Variants in OSCP1 observed in about 807,000 individuals in gnomAD.
OSCP1 encodes the protein organic solute carrier partner 1, also known as protein OSCP1.
In OSCP1, 35 loss-of-function variants were observed where a neutral mutation model predicts 45.1. That is an observed-to-expected ratio of 0.78 (90% CI 0.59 to 1.03). The LOEUF is 1.03. OSCP1 is among the 50% of genes least tolerant of loss of function. OSCP1 has a pLI of 0.00. For synonymous variants in OSCP1, 179 were observed against 180.1 expected, an observed-to-expected ratio of 0.99 and a Z score of 0.05; for missense variants, 400 against 470.7, an observed-to-expected ratio of 0.85 and a Z score of 1.39.
intron 4 of OSCP1, chr1:36,428,292 C>A: frequency 6.4e-7 from 1 of 1,562,342 alleles, no homozygotes; most frequent in Non-Finnish European, 8.7e-7. Flanking sequence ...GCACTAAATA[C>A]ATTGCATTTC....
In OSCP1 at chr1:36,419,021, G is replaced by A. The variant is rs376390479; in HGVS notation, c.993C>T (p.Ser331=). ...TGGCTTGTATGTTGATAACTTCATA[G>A]GATAACTCTTCTGGCCTGGTTAGCG... ...QAALTRPEEL[S]YEVINIQATQ... is the part of the protein sequence containing the mutation. Residue 331 remains serine (S), a synonymous_variant, in exon 9 of 10, where the codon TCC becomes TCT. Coordinates refer to ENST00000235532, the MANE Select transcript of OSCP1 (RefSeq NM_145047.5). The A allele has an allele frequency of 6.2e-7, 1 of 1,612,616 alleles. No homozygotes were observed. Among genetic ancestry groups the A allele is most frequent in the Non-Finnish European group, 8.5e-7 (1 of 1,178,642 alleles).
At chr1:36,449,701 G>A (rs1649762760) in intron 1 of OSCP1, among the ~76,000 whole-genome samples, 1 of 151,498 alleles carries the variant, frequency 6.6e-6, no homozygotes, top group African/African-American at 2.4e-5. Context: ...GCTGGGTGTG[G>A]TGGTGCATGC....
At chr1:36,432,671 C>G (rs1036582825) in intron 2 of OSCP1, 82 bp from the exon 3 acceptor site, 28 of 1,559,888 alleles carry the variant, frequency 1.8e-5, no homozygotes, top group African/African-American at 4.1e-5. Flanking sequence ...TTCAGTCAAG[C>G]ATTTACTGAA....
At position 36,417,924 on chromosome 1, in the gene OSCP1, A is replaced by T. The variant is rs1647371453; in HGVS notation, c.*215T>A. ...GGAAAGGTCAAGTTTAAAAGTCAGA[A>T]TATATTTCACTGAAAATATGTGTAT... On this transcript the variant is annotated 3_prime_UTR_variant, in exon 10 of 10. Transcript: ENST00000235532. The T allele has an allele frequency of 2.2e-6, 1 of 447,066 alleles. No homozygotes were observed. The highest frequency in any genetic ancestry group is 4.0e-6 in the Non-Finnish European group (1 of 252,784). The allele number at this position is 447,066 out of a possible 1,614,324, so 27.7% of individuals were successfully genotyped here. A position where few individuals can be genotyped will look rare whatever the true frequency, so the allele number is the denominator to read the frequency against.
At position 36,418,223 on chromosome 1, in the gene OSCP1, G is replaced by T; in HGVS notation, c.1056C>A (p.Ile352=). 6.2e-7 allele frequency: 1 copy of T among 1,614,212 alleles called. No individual in the cohort carries two copies. Among genetic ancestry groups the T allele is most frequent in the Non-Finnish European group, 8.5e-7 (1 of 1,180,044 alleles). ...GCTCCGTGATCTCAAACTCCCCCAT[G>T]ATTCGAGCCAGCTCCTCGCTCCGTT... ...DQQRSEELAR[I]MGEFEITEQP... Residue 352 remains isoleucine, a synonymous_variant, in exon 10 of 10, where the codon ATC becomes ATA. Transcript: ENST00000235532.
chr1:36,439,978 G>C (rs920585587), intron 1 of OSCP1, among the ~76,000 whole-genome samples: 5 of 152,214 alleles, frequency 3.3e-5, no homozygotes, highest in Non-Finnish European at 7.3e-5. Context: ...AATTAAACCA[G>C]TTATCCTCGC....
intron 1 of OSCP1, among the ~76,000 whole-genome samples, chr1:36,442,501 AAC>A (rs1166066643): frequency 1.3e-5 from 2 of 152,230 alleles, no homozygotes; most frequent in African/African-American, 4.8e-5. Flanking sequence ...AGAAGTGTCA[AAC>A]GATGGTTGTG....
In OSCP1 at chr1:36,423,362, C is replaced by A; in HGVS notation, c.620+1G>T. 6.3e-7 allele frequency: 1 copy of A among 1,599,876 alleles called. No individual in the cohort carries two copies. Among genetic ancestry groups the A allele is most frequent in the Non-Finnish European group, 8.6e-7 (1 of 1,167,136 alleles). On this transcript the variant is annotated splice_donor_variant, in intron 5 of 9. Coordinates refer to ENST00000235532, the MANE Select transcript of OSCP1 (RefSeq NM_145047.5). LOFTEE classifies it high-confidence loss of function. ...AGCTCTGATCATTGTTGGGAATTCA[C>A]CTGATGAGTCCTGGAACTTCAGTTC...
intron 6 of OSCP1, 46 bp from the exon 7 acceptor site, chr1:36,422,265 C>A: frequency 6.5e-7 from 1 of 1,536,502 alleles, no homozygotes; most frequent in Non-Finnish European, 9.0e-7. Context: ...CCCCTTTCCA[C>A]GGACTTCTCT....
chr1:36,436,332 G>A (rs894538020), intron 2 of OSCP1, among the ~76,000 whole-genome samples: 7 of 150,584 alleles, frequency 4.6e-5, no homozygotes, highest in East Asian at 2.0e-4. Context: ...GGATGGTCTC[G>A]ATCTCTTGAC....
intron 1 of OSCP1, among the ~76,000 whole-genome samples, chr1:36,439,622 A>T (rs1648993206): frequency 6.6e-6 from 1 of 152,234 alleles, no homozygotes; most frequent in African/African-American, 2.4e-5. Flanking sequence ...GACTCTTAAT[A>T]ATACCTCCTG....
chr1:36,440,024 A>G (rs1356295202), intron 1 of OSCP1, among the ~76,000 whole-genome samples: 2 of 152,258 alleles, frequency 1.3e-5, no homozygotes, highest in Non-Finnish European at 2.9e-5. Flanking sequence ...GAGAATATAC[A>G]CTTACAGAAA....
At position 36,447,310 on chromosome 1, in the gene OSCP1, C is replaced by T. The variant is rs1214038240; in HGVS notation, c.112+2948G>A. Among the ~76,000 whole-genome samples the T allele has an allele frequency of 3.3e-5, 5 of 152,276 alleles. No homozygotes were observed. The highest frequency in any genetic ancestry group is 4.8e-5 in the African/African-American group (2 of 41,568). ...TCTTCTACAGATCTCCAACAGCCAACTATTTTGTCATTTATTTGATAAAAT... is the reference window on the plus strand; with the variant it reads ...TCTTCTACAGATCTCCAACAGCCAATTATTTTGTCATTTATTTGATAAAAT... On this transcript the variant is annotated intron_variant, in intron 1 of 9. Transcript: ENST00000235532. The surrounding 1 kb of genome is among the most constrained non-coding windows in gnomAD (Gnocchi z 4.1).
chr1:36,423,111 C>A (rs1647752136), intron 5 of OSCP1, among the ~76,000 whole-genome samples: 1 of 152,126 alleles, frequency 6.6e-6, no homozygotes, highest in Admixed American at 6.6e-5. Context: ...GCACTATTAT[C>A]TTATTCATCC....
intron 4 of OSCP1, among the ~76,000 whole-genome samples, chr1:36,429,559 T>C (rs1347905005): frequency 1.7e-5 from 2 of 116,604 alleles, no homozygotes; most frequent in Admixed American, 9.1e-5. Flanking sequence ...TTTTTTTTTT[T>C]TGAGACATGG....
chr1:36,437,402 T>A (rs1348703279), intron 2 of OSCP1, among the ~76,000 whole-genome samples: 1 of 152,204 alleles, frequency 6.6e-6, no homozygotes, highest in Non-Finnish European at 1.5e-5. Context: ...GAGTAAAGAC[T>A]GTTTTTGAAC....
chr1:36,429,565 C>T (rs532524857), intron 4 of OSCP1, among the ~76,000 whole-genome samples: 603 of 54,574 alleles, frequency 0.011, 3 homozygotes, highest in Non-Finnish European at 0.018. Flanking sequence ...TTTTTTGAGA[C>T]ATGGTCTCGC....
At position 36,418,986 on chromosome 1, in the gene OSCP1, C is replaced by T. The variant is rs373354035; in HGVS notation, c.1023+5G>A. On this transcript the variant is annotated splice_donor_5th_base_variant and intron_variant, in intron 9 of 9. Transcript: ENST00000235532. Reference sequence around the variant, plus strand: ...ATTGGACCCTGTGTTATCCCCTGTACGTACCTGGGTGGCTTGTATGTTGAT... The same window carrying T: ...ATTGGACCCTGTGTTATCCCCTGTATGTACCTGGGTGGCTTGTATGTTGAT... 8.8e-6 allele frequency: 14 copies of T among 1,597,302 alleles called. No homozygotes were observed. The highest frequency in any genetic ancestry group is 2.7e-5 in the African/African-American group (2 of 74,418).
chr1:36,444,836 A>G (rs1217840026), intron 1 of OSCP1, among the ~76,000 whole-genome samples: 1 of 152,240 alleles, frequency 6.6e-6, no homozygotes, highest in Non-Finnish European at 1.5e-5. Context: ...AATAGGGATC[A>G]TAATAGCACC....
Sources: gnomAD v4.1 joint callset for allele counts (sites outside exome capture counted in the v4.1 genomes callset) on GRCh38, gnomAD v4.1.1 for gene constraint, Gnocchi (gnomAD v3.1) non-coding constraint, MANE v1.5 for transcripts, NCBI Gene and HGNC (gene_info 2026-07-23, HGNC 2026-07-21) for gene names.